PRKCB: variants seen among roughly 807,000 people sequenced by gnomAD.
The protein encoded by PRKCB is protein kinase C beta type.
PRKCB carries 13 observed loss-of-function variants against 81.5 expected under a neutral mutation model. That is an observed-to-expected ratio of 0.16 (90% CI 0.10 to 0.25). PRKCB has a LOEUF of 0.25. Ranked by LOEUF, PRKCB falls within the 10% of genes least tolerant of loss-of-function variation. PRKCB has a pLI of 1.00. For missense variants in PRKCB, 509 were observed against 875.7 expected (o/e 0.58, Z 5.29); for synonymous variants, 335 against 321.4 (o/e 1.04, Z -0.45).
intron 2 of PRKCB, among the ~76,000 whole-genome samples, chr16:23,903,604 T>C (rs1253436292): frequency 6.6e-6 from 1 of 152,176 alleles, no homozygotes; most frequent in Non-Finnish European, 1.5e-5. Flanking sequence ...CGCTTTTAAC[T>C]ATGGGTTTTG....
chr16:24,041,540 A>G (rs1220046980), intron 5 of PRKCB, among the ~76,000 whole-genome samples: 1 of 151,448 alleles, frequency 6.6e-6, no homozygotes, highest in African/African-American at 2.4e-5. Flanking sequence ...TTTTTTTTAA[A>G]TGTTTCTCTT....
At chr16:24,046,416 AC>A (rs1047912535) in intron 5 of PRKCB, among the ~76,000 whole-genome samples, 5 of 152,228 alleles carry the variant, frequency 3.3e-5, no homozygotes, top group Non-Finnish European at 5.9e-5. Flanking sequence ...GAGGAAGCAA[AC>A]AAAACACTTT....
chr16:23,860,610 G>A lies in PRKCB; in HGVS notation c.205+23204G>A, dbSNP rs559302454. On this transcript the variant is annotated intron_variant, in intron 2 of 16. Coordinates refer to ENST00000643927, the MANE Select transcript of PRKCB (RefSeq NM_002738.7). ...TAAAAGAAATTCTCTTGTAGGCCGC[G>A]TGTGGTGGCTCACACCTGTAATCCC... 7.9e-5 allele frequency among the ~76,000 whole-genome samples: 12 copies of A among 152,200 alleles called. No homozygotes were observed. In the South Asian group the frequency reaches 1.5e-3, roughly 18 times the overall value.
intron 16 of PRKCB, among the ~76,000 whole-genome samples, chr16:24,209,036 G>C (rs1300782344): frequency 6.6e-6 from 1 of 152,122 alleles, no homozygotes; most frequent in Non-Finnish European, 1.5e-5. Flanking sequence ...TTGTGGAGCT[G>C]CCAGAAGCTG....
At chr16:23,953,177 A>T (rs1282179529) in intron 2 of PRKCB, among the ~76,000 whole-genome samples, 1 of 151,818 alleles carries the variant, frequency 6.6e-6, no homozygotes, top group Non-Finnish European at 1.5e-5. Flanking sequence ...GAGCCCCCTG[A>T]CTCTGTTCTC....
intron 2 of PRKCB, among the ~76,000 whole-genome samples, chr16:23,969,720 G>A (rs1409342269): frequency 6.6e-6 from 1 of 152,086 alleles, no homozygotes; most frequent in Non-Finnish European, 1.5e-5. Flanking sequence ...CCATGGATCA[G>A]CTCAAATCAA....
Position 23,948,813 on chromosome 16 carries a change from C to T in PRKCB, c.206-39695C>T, listed in dbSNP as rs544864321. Reference sequence around the variant, plus strand: ...ATGAACTAACTTGCTCAAGGTTCCACTGTCGATAAGTGGAGGCCCAGGATT... The same window carrying T: ...ATGAACTAACTTGCTCAAGGTTCCATTGTCGATAAGTGGAGGCCCAGGATT... On this transcript the variant is annotated intron_variant, in intron 2 of 16. Transcript: ENST00000643927. Among the ~76,000 whole-genome samples the T allele has an allele frequency of 1.1e-4, 17 of 152,346 alleles. No individual in the cohort carries two copies. In the South Asian group the frequency reaches 3.5e-3, roughly 32 times the overall value.
At chr16:24,105,767 A>ATT (rs1966569367) in intron 7 of PRKCB, among the ~76,000 whole-genome samples, 1 of 152,110 alleles carries the variant, frequency 6.6e-6, no homozygotes, top group South Asian at 2.1e-4. Flanking sequence ...TTCTTTATCC[A>ATT]GTCTATCATT....
intron 3 of PRKCB, among the ~76,000 whole-genome samples, chr16:24,005,381 G>T (rs925628113): frequency 6.6e-6 from 1 of 152,134 alleles, no homozygotes; most frequent in East Asian, 1.9e-4. Flanking sequence ...CTTGTTACCT[G>T]CAGAGCTCTG....
At chr16:24,094,036 A>G (rs533575928) in intron 6 of PRKCB, 127 bp from the exon 7 acceptor site, 2 of 1,101,402 alleles carry the variant, frequency 1.8e-6, no homozygotes, top group Admixed American at 5.6e-5. Context: ...TGGAAACTGA[A>G]TATGTTTCTT....
chr16:23,859,885 A>AAGGGAGAG (rs59279623), intron 2 of PRKCB, among the ~76,000 whole-genome samples: 6 of 146,280 alleles, frequency 4.1e-5, no homozygotes, highest in Admixed American at 3.4e-4. Context: ...GAGAGAGAGA[A>AAGGGAGAG]AGAGAGAGAG....
chr16:24,178,491 G>A (rs981839989), intron 12 of PRKCB, among the ~76,000 whole-genome samples: 1 of 152,208 alleles, frequency 6.6e-6, no homozygotes, highest in Non-Finnish European at 1.5e-5. Context: ...AGTCTACCCA[G>A]CTGCCTGCTT....
rs144869204 is a variant in PRKCB at position 23,997,345 on chromosome 16, A to G, written c.288+8755A>G. Among the ~76,000 whole-genome samples, 25 of 152,158 alleles carry G rather than the reference A, an allele frequency of 1.6e-4. No individual in the cohort carries two copies. The East Asian group carries it at 3.9e-3, about 23-fold the overall frequency. On this transcript the variant is annotated intron_variant, in intron 3 of 16. Transcript: ENST00000643927. ...CTGTGATTAAGATCAATGAAAAACT[A>G]CAACAACTCAATACAGGCAAAACTA...
At chr16:24,112,453 G>A (rs1433429905) in intron 7 of PRKCB, among the ~76,000 whole-genome samples, 3 of 152,134 alleles carry the variant, frequency 2.0e-5, no homozygotes, top group Non-Finnish European at 4.4e-5. Context: ...CAGGAGGATC[G>A]CTTGAACCCA....
At chr16:23,868,913 A>G (rs1962855642) in intron 2 of PRKCB, among the ~76,000 whole-genome samples, 1 of 152,214 alleles carries the variant, frequency 6.6e-6, no homozygotes, top group Non-Finnish European at 1.5e-5. Context: ...GCTTCCCTGA[A>G]TGAATCTCAG....
intron 16 of PRKCB, among the ~76,000 whole-genome samples, chr16:24,193,075 T>A (rs1967818526): frequency 6.6e-6 from 1 of 152,058 alleles, no homozygotes; most frequent in African/African-American, 2.4e-5. Flanking sequence ...TGCTCTCACC[T>A]CAGCCTCCTG....
chr16:24,124,290 G>A (rs1211630484), intron 9 of PRKCB, among the ~76,000 whole-genome samples: 1 of 152,174 alleles, frequency 6.6e-6, no homozygotes, highest in Admixed American at 6.5e-5. Context: ...AAAGTTCCAA[G>A]GTGGGGACAG....
chr16:24,129,133 T>C (rs528431743), intron 9 of PRKCB, among the ~76,000 whole-genome samples: 8 of 152,336 alleles, frequency 5.3e-5, no homozygotes, highest in Admixed American at 1.3e-4. Flanking sequence ...ATGCTAATAC[T>C]GTGTGTCTTC....
intron 7 of PRKCB, among the ~76,000 whole-genome samples, chr16:24,109,312 G>A (rs1271333464): frequency 1.1e-5 from 1 of 89,194 alleles, no homozygotes; most frequent in South Asian, 4.0e-4. Context: ...CTCCCGGATG[G>A]GGTGGCTGCC....
Sources: gnomAD v4.1 joint callset for allele counts (sites outside exome capture counted in the v4.1 genomes callset) on GRCh38, gnomAD v4.1.1 for gene constraint, MANE v1.5 for transcripts, NCBI Gene and HGNC (gene_info 2026-07-23, HGNC 2026-07-21) for gene names.